The following VWA8 variants were observed in gnomAD, a reference collection of about 807,000 sequenced individuals.
The protein encoded by VWA8 is von Willebrand factor A domain-containing protein 8.
VWA8 carries 221 observed loss-of-function variants against 241.5 expected under a neutral mutation model. The ratio of observed to expected loss-of-function variants is 0.91; its 90% CI spans 0.82 to 1.02. The LOEUF is 1.02. VWA8 is among the 50% of genes least tolerant of loss of function. The probability of loss-of-function intolerance (pLI) is 0.00; values close to 1 mark genes in which losing one functional copy is unlikely to be tolerated. For synonymous variants in VWA8, 852 were observed against 827.1 expected, an observed-to-expected ratio of 1.03 and a Z score of -0.52; for missense variants, 2,322 against 2,328.7, an observed-to-expected ratio of 1.00 and a Z score of 0.06.
rs1379890414 is a variant in VWA8, at chr13:41,727,368, T to A, written c.2639-55A>T. On this transcript the variant is annotated intron_variant, in intron 23 of 44. Transcript: ENST00000379310. ...CAATATTTAATAATTCTTAAAAATA[T>A]CAAGCAACAATCTTTTAGATAACAT... is the stretch of plus-strand genomic sequence containing the variant. The A allele has an allele frequency of 4.8e-5, 56 of 1,157,804 alleles. No homozygotes were observed. The South Asian group carries it at 9.2e-4, about 19-fold the overall frequency. 71.7% of individuals were successfully genotyped at this position (1,157,804 alleles called of 1,614,324 possible).
chr13:41,784,969 T>C (rs1031778916), intron 18 of VWA8, among the ~76,000 whole-genome samples: 1 of 151,394 alleles, frequency 6.6e-6, no homozygotes, highest in Non-Finnish European at 1.5e-5. Context: ...GAATACATTA[T>C]TAGTTCCTGG....
At chr13:41,623,502 G>A (rs2044670514) in intron 37 of VWA8, among the ~76,000 whole-genome samples, 1 of 152,194 alleles carries the variant, frequency 6.6e-6, no homozygotes, top group Non-Finnish European at 1.5e-5. Context: ...CAGGGCAGAA[G>A]CTACTGTCTT....
At chr13:41,635,596 A>G (rs1036928800) in intron 37 of VWA8, among the ~76,000 whole-genome samples, 2 of 152,178 alleles carry the variant, frequency 1.3e-5, no homozygotes, top group Non-Finnish European at 2.9e-5. Flanking sequence ...ACAAAGCCCA[A>G]TGAGACCTGG....
At chr13:41,772,956 G>A (rs1406318878) in intron 20 of VWA8, among the ~76,000 whole-genome samples, 1 of 152,178 alleles carries the variant, frequency 6.6e-6, no homozygotes, top group Non-Finnish European at 1.5e-5. Context: ...TGGTAACAGA[G>A]CAGTCTTGTA....
Position 41,568,049 on chromosome 13 carries a change from A to T in VWA8, c.*148T>A. 1.6e-6 allele frequency: 1 copy of T among 642,358 alleles called. No individual in the cohort carries two copies. Among genetic ancestry groups the T allele is most frequent in the Non-Finnish European group, 2.7e-6 (1 of 372,684 alleles). 39.8% of individuals were successfully genotyped at this position (642,358 alleles called of 1,614,324 possible). A position where few individuals can be genotyped will look rare whatever the true frequency, so the allele number is the denominator to read the frequency against. ...CTGGCTGCTTCTCTGAATTCTCATT[A>T]CGGAGCAAGTGTAGGAAGACCCAGG... On this transcript the variant is annotated 3_prime_UTR_variant, in exon 45 of 45. Transcript: ENST00000379310.
intron 13 of VWA8, among the ~76,000 whole-genome samples, chr13:41,832,506 G>A (rs1871515568): frequency 6.6e-6 from 1 of 151,852 alleles, no homozygotes; most frequent in African/African-American, 2.4e-5. Flanking sequence ...AATCTAATCA[G>A]GATTAACATA....
intron 3 of VWA8, among the ~76,000 whole-genome samples, chr13:41,911,008 G>C (rs536716759): frequency 3.3e-5 from 5 of 151,916 alleles, no homozygotes; most frequent in African/African-American, 4.8e-5. Flanking sequence ...TAATCATTAG[G>C]GTAATGCCTA....
chr13:41,751,571 A>C (rs904140183), intron 21 of VWA8, among the ~76,000 whole-genome samples: 1 of 152,202 alleles, frequency 6.6e-6, no homozygotes. Flanking sequence ...CAAAATTTAT[A>C]CTGTCACATT....
chr13:41,824,093 T>A (rs1871078021), intron 14 of VWA8, among the ~76,000 whole-genome samples: 1 of 152,204 alleles, frequency 6.6e-6, no homozygotes, highest in Non-Finnish European at 1.5e-5. Context: ...GGTATCTAAA[T>A]TTACCAACTG....
intron 2 of VWA8, among the ~76,000 whole-genome samples, chr13:41,921,163 T>C (rs1041232127): frequency 2.0e-5 from 3 of 152,148 alleles, no homozygotes; most frequent in African/African-American, 7.2e-5. Context: ...ATCCAGCACA[T>C]AAACACAACC....
chr13:41,771,886 C>CTTTT lies in VWA8; in HGVS notation c.2349+6095_2349+6098dup, dbSNP rs10639837. Reference sequence around the variant, plus strand: ...CATGAGCCACTGCACCCAGCAGGGACTTTTTTTTTTTTTTTTTTTTTGAGA... The same window carrying CTTTT: ...CATGAGCCACTGCACCCAGCAGGGACTTTTTTTTTTTTTTTTTTTTTTTTTGAGA... On this transcript the variant is annotated intron_variant, in intron 20 of 44. Transcript: ENST00000379310. Among the ~76,000 whole-genome samples, 911 of 100,188 alleles carry CTTTT rather than the reference C, an allele frequency of 9.1e-3. 21 individuals are homozygous for CTTTT. The highest frequency in any genetic ancestry group is 0.014 in the African/African-American group (371 of 26,614). The allele number at this position is 100,188 out of a possible 152,430, so 65.7% of individuals were successfully genotyped here. A position where few individuals can be genotyped will look rare whatever the true frequency, so the allele number is the denominator to read the frequency against.
At chr13:41,603,076 C>G (rs931254795) in intron 40 of VWA8, among the ~76,000 whole-genome samples, 2 of 152,096 alleles carry the variant, frequency 1.3e-5, no homozygotes, top group Admixed American at 1.3e-4. Context: ...AATAATTACT[C>G]TCATTGAGGA....
At chr13:41,620,302 G>T (rs1419682178) in intron 37 of VWA8, among the ~76,000 whole-genome samples, 1 of 152,054 alleles carries the variant, frequency 6.6e-6, no homozygotes, top group Non-Finnish European at 1.5e-5. Context: ...ATTTCTGTGG[G>T]ATCGGTGGTG....
chr13:41,835,089 G>A (rs773961150), intron 12 of VWA8, among the ~76,000 whole-genome samples: 5 of 152,292 alleles, frequency 3.3e-5, no homozygotes, highest in Non-Finnish European at 5.9e-5. Flanking sequence ...CAGAGGGTGA[G>A]AGGAGGGAGG....
rs1291001298 is a variant in VWA8, at chr13:41,596,218, AG to A, written c.4987-5454del. On this transcript the variant is annotated intron_variant, in intron 40 of 44. Transcript: ENST00000379310. ...TTTTATAATAGTAGCACTGTTCATT[AG>A]TTTTCAAGTATGTAACTTGCAGATA... Among the ~76,000 whole-genome samples the A allele has an allele frequency of 2.6e-5, 4 of 152,134 alleles. No individual in the cohort carries two copies. In the East Asian group the frequency reaches 7.7e-4, roughly 29 times the overall value.
intron 40 of VWA8, among the ~76,000 whole-genome samples, chr13:41,600,093 C>G (rs1343799275): frequency 6.6e-6 from 1 of 152,090 alleles, no homozygotes; most frequent in African/African-American, 2.4e-5. Context: ...ATGAATAATG[C>G]TATTTCTCAG....
intron 14 of VWA8, among the ~76,000 whole-genome samples, chr13:41,826,460 C>G (rs1224497825): frequency 6.6e-6 from 1 of 152,012 alleles, no homozygotes; most frequent in Non-Finnish European, 1.5e-5. Context: ...GAAAAAAGAC[C>G]AGAGGAAACT....
At chr13:41,950,487 G>A (rs922457153) in intron 1 of VWA8, among the ~76,000 whole-genome samples, 1 of 151,936 alleles carries the variant, frequency 6.6e-6, no homozygotes, top group Non-Finnish European at 1.5e-5. Flanking sequence ...TCCTGCCTCA[G>A]CCTCCAGAGT....
chr13:41,744,844 TATTTA>T (rs202067687), intron 21 of VWA8, among the ~76,000 whole-genome samples: 2,095 of 152,198 alleles, frequency 0.014, 28 homozygotes, highest in Middle Eastern at 0.054. Flanking sequence ...TTTATTTATT[TATTTA>T]TTTTTTGAGA....
Sources: gnomAD v4.1 joint callset for allele counts (sites outside exome capture counted in the v4.1 genomes callset) on GRCh38, gnomAD v4.1.1 for gene constraint, MANE v1.5 for transcripts, NCBI Gene and HGNC (gene_info 2026-07-23, HGNC 2026-07-21) for gene names.